The following DACH1 variants were observed in gnomAD, a reference collection of about 807,000 sequenced individuals.
DACH1 encodes dachshund family transcription factor 1, also known as dachshund homolog 1.
A neutral mutation model predicts 54.2 loss-of-function variants in DACH1; 12 were observed. The ratio of observed to expected loss-of-function variants is 0.22; its 90% CI spans 0.14 to 0.36. The LOEUF is 0.36. Ranked by LOEUF, DACH1 falls within the 10% of genes least tolerant of loss-of-function variation. The pLI is 1.00. For synonymous variants in DACH1, 386 were observed against 366.2 expected, an observed-to-expected ratio of 1.05 and a Z score of -0.62; for missense variants, 805 against 929.8, an observed-to-expected ratio of 0.87 and a Z score of 1.75.
chr13:71,527,215 CTT>C (rs1402190943), intron 6 of DACH1, among the ~76,000 whole-genome samples: 3 of 151,354 alleles, frequency 2.0e-5, no homozygotes, highest in Non-Finnish European at 3.0e-5. Context: ...ATTAAAATAT[CTT>C]TGGTTATTCT....
intron 3 of DACH1, among the ~76,000 whole-genome samples, chr13:71,620,455 TA>T (rs1277066074): frequency 1.3e-5 from 2 of 151,974 alleles, no homozygotes; most frequent in Admixed American, 6.6e-5. Flanking sequence ...TCAGCTCTAT[TA>T]TATGGATCTG....
At chr13:71,591,002 C>T (rs985856657) in intron 3 of DACH1, among the ~76,000 whole-genome samples, 9 of 151,372 alleles carry the variant, frequency 5.9e-5, no homozygotes, top group African/African-American at 4.9e-5. Context: ...CCTCTACCTC[C>T]CAAGTAGCTG....
intron 10 of DACH1, among the ~76,000 whole-genome samples, chr13:71,469,406 T>C (rs1422997862): frequency 1.3e-5 from 2 of 150,906 alleles, no homozygotes; most frequent in African/African-American, 4.9e-5. Flanking sequence ...AAGAATGACA[T>C]GAAATATGAT....
chr13:71,546,440 CTTAG>C (rs1447853328), intron 6 of DACH1, among the ~76,000 whole-genome samples: 2 of 151,666 alleles, frequency 1.3e-5, no homozygotes, highest in African/African-American at 2.4e-5. Context: ...TAAAATAATA[CTTAG>C]TTATTACTAT....
chr13:71,514,353 T>C (rs1881000451), intron 6 of DACH1, among the ~76,000 whole-genome samples: 2 of 151,912 alleles, frequency 1.3e-5, no homozygotes, highest in African/African-American at 4.8e-5. Flanking sequence ...GCTAAACTTT[T>C]GCTGTCAATG....
chr13:71,533,545 T>G (rs890467173), intron 6 of DACH1, among the ~76,000 whole-genome samples: 2 of 152,070 alleles, frequency 1.3e-5, no homozygotes, highest in Admixed American at 6.6e-5. Context: ...AATATGCCAT[T>G]CAAAATAATC....
At chr13:71,542,136 G>A (rs1237513513) in intron 6 of DACH1, among the ~76,000 whole-genome samples, 1 of 151,844 alleles carries the variant, frequency 6.6e-6, no homozygotes, top group African/African-American at 2.4e-5. Flanking sequence ...TGTAATCCCA[G>A]CTACTTAGTA....
intron 1 of DACH1, among the ~76,000 whole-genome samples, chr13:71,772,690 A>C (rs1453820073): frequency 4.0e-5 from 6 of 151,720 alleles, no homozygotes; most frequent in Admixed American, 3.3e-4. Flanking sequence ...CATCTCTTAA[A>C]CACACCTTCA....
intron 6 of DACH1, among the ~76,000 whole-genome samples, chr13:71,498,046 GA>G (rs199923024): frequency 2.4e-4 from 36 of 150,840 alleles, no homozygotes; most frequent in Admixed American, 9.2e-4. Flanking sequence ...GTGAATAAAA[GA>G]AAAAAAAATA....
rs536348550 is a variant in DACH1, at chr13:71,503,123, C to T, written c.1571-13975G>A. Among the ~76,000 whole-genome samples the T allele has an allele frequency of 4.6e-5, 7 of 152,298 alleles. No individual in the cohort carries two copies. In the East Asian group the frequency reaches 9.7e-4, roughly 21 times the overall value. ...TTTCTTCAAGTCATACCTAGAACCA[C>T]TTCATTTTTTCCTTCCCACATACAA... On this transcript the variant is annotated intron_variant, in intron 6 of 10. Transcript: ENST00000613252.
chr13:71,815,446 T>G (rs1047037224), intron 1 of DACH1, among the ~76,000 whole-genome samples: 14 of 152,076 alleles, frequency 9.2e-5, no homozygotes, highest in African/African-American at 3.4e-4. Flanking sequence ...TACATATAGA[T>G]GCAGACTGTG....
At chr13:71,490,380 C>A (rs996576015) in intron 6 of DACH1, among the ~76,000 whole-genome samples, 1 of 152,202 alleles carries the variant, frequency 6.6e-6, no homozygotes, top group Admixed American at 6.5e-5. Flanking sequence ...TTAAATTCAT[C>A]TCCCTCACCT....
chr13:71,510,397 C>G (rs1780138511), intron 6 of DACH1, among the ~76,000 whole-genome samples: 1 of 151,770 alleles, frequency 6.6e-6, no homozygotes, highest in African/African-American at 2.4e-5. Flanking sequence ...AATAGATATC[C>G]TAAAAAAAAT....
chr13:71,654,453 A>ATAAAATAAAATAAAATAAAATAAAG (rs1566409091), intron 2 of DACH1, among the ~76,000 whole-genome samples: 2 of 78,728 alleles, frequency 2.5e-5, no homozygotes, highest in East Asian at 3.4e-4. Flanking sequence ...ATAAAATAAA[A>ATAAAATAAAATAAAATAAAATAAAG]TAAAGTAAAA....
intron 6 of DACH1, among the ~76,000 whole-genome samples, chr13:71,556,140 C>G (rs758701016): frequency 2.0e-5 from 3 of 152,030 alleles, no homozygotes; most frequent in Non-Finnish European, 4.4e-5. Flanking sequence ...GCATTTATTC[C>G]TGTTCAATTA....
At chr13:71,780,633 G>A (rs1481643792) in intron 1 of DACH1, among the ~76,000 whole-genome samples, 3 of 149,280 alleles carry the variant, frequency 2.0e-5, no homozygotes, top group African/African-American at 7.4e-5. Flanking sequence ...GCGACAGAGA[G>A]AGACTTCATC....
Position 71,866,086 on chromosome 13 carries a change from C to G in DACH1, c.684G>C (p.Thr228=). 2 of 1,613,758 alleles carry G rather than the reference C, an allele frequency of 1.2e-6. No homozygotes were observed. Among genetic ancestry groups the G allele is most frequent in the South Asian group, 2.2e-5 (2 of 91,052 alleles). Residue 228 remains threonine, a synonymous_variant, in exon 1 of 11, where the codon ACG becomes ACC. Transcript: ENST00000613252. ...FLKHLVGGLH[T]VYTKLKRLEI... ...CCAGCCGCTTCAGCTTGGTGTAGACCGTATGCAAGCCCCCCACCAAGTGCT... is the reference window on the plus strand; with the variant it reads ...CCAGCCGCTTCAGCTTGGTGTAGACGGTATGCAAGCCCCCCACCAAGTGCT...
At chr13:71,654,443 A>AAAG (rs1878927904) in intron 2 of DACH1, among the ~76,000 whole-genome samples, 3 of 131,756 alleles carry the variant, frequency 2.3e-5, no homozygotes, top group South Asian at 2.5e-4. Flanking sequence ...ATAAAATAAA[A>AAAG]TAAAATAAAA....
intron 1 of DACH1, among the ~76,000 whole-genome samples, chr13:71,803,985 A>G (rs990976825): frequency 3.3e-5 from 5 of 152,184 alleles, no homozygotes; most frequent in African/African-American, 1.2e-4. Context: ...CTACAGGTGT[A>G]CAGGAGGAAC....
Sources: gnomAD v4.1 joint callset for allele counts (sites outside exome capture counted in the v4.1 genomes callset) on GRCh38, gnomAD v4.1.1 for gene constraint, MANE v1.5 for transcripts, NCBI Gene and HGNC (gene_info 2026-07-23, HGNC 2026-07-21) for gene names.